The following KIAA0232 variants were observed in gnomAD, a reference collection of about 807,000 sequenced individuals.
KIAA0232 encodes the protein uncharacterized protein KIAA0232.
A neutral mutation model predicts 122.0 loss-of-function variants in KIAA0232; 27 were observed. That is an observed-to-expected ratio of 0.22 (90% CI 0.16 to 0.31). The LOEUF (loss-of-function observed/expected upper bound fraction) is 0.31, where lower values mean the gene tolerates loss of function less well. Ranked by LOEUF, KIAA0232 falls within the 10% of genes least tolerant of loss-of-function variation. The pLI is 1.00. For missense variants in KIAA0232, 1,551 were observed against 1,634.2 expected (o/e 0.95, Z 0.88); for synonymous variants, 613 against 587.6 (o/e 1.04, Z -0.63).
intron 4 of KIAA0232, among the ~76,000 whole-genome samples, chr4:6,848,728 A>G (rs1338681723): frequency 6.6e-6 from 1 of 152,238 alleles, no homozygotes; most frequent in Non-Finnish European, 1.5e-5. Flanking sequence ...GGGTAATACT[A>G]AGAGCATCAA....
intron 1 of KIAA0232, among the ~76,000 whole-genome samples, chr4:6,803,653 C>T (rs1021664149): frequency 3.3e-5 from 5 of 152,132 alleles, no homozygotes; most frequent in African/African-American, 1.2e-4. Flanking sequence ...TGTTAAAGAA[C>T]TTGACCAGAA....
At chr4:6,853,554 A>G (rs540225241) in intron 4 of KIAA0232, among the ~76,000 whole-genome samples, 1 of 152,328 alleles carries the variant, frequency 6.6e-6, no homozygotes, top group African/African-American at 2.4e-5. Flanking sequence ...CAAATGGAAC[A>G]GGCAGTTAAC....
chr4:6,863,916 G>C lies in KIAA0232; in HGVS notation c.3534G>C (p.Arg1178Ser), dbSNP rs555627147. The C allele has an allele frequency of 6.2e-7, 1 of 1,613,930 alleles. No individual in the cohort carries two copies. The highest frequency in any genetic ancestry group is 1.7e-5 in the Admixed American group (1 of 59,982). ...SELESGKFLP[R>S]LKKSGMEKSA... The stretch of plus-strand genomic sequence containing the variant: ...TTGAGTCTGGAAAATTCCTTCCCAG[G>C]TTAAAAAAATCTGGGATGGAAAAGA... Residue 1178 changes from arginine (R) to serine (S), a missense_variant, in exon 7 of 10, where the codon AGG (arginine) becomes AGC (serine). Around this residue, in one of 5 missense-constraint regions of KIAA0232, gnomAD observed 1,108 missense variants for 1,154.8 expected, o/e 0.96. Coordinates refer to ENST00000307659, the MANE Select transcript of KIAA0232 (RefSeq NM_014743.3).
chr4:6,813,741 A>G (rs1005392902), intron 2 of KIAA0232, among the ~76,000 whole-genome samples: 13 of 152,144 alleles, frequency 8.5e-5, no homozygotes, highest in African/African-American at 3.1e-4. Flanking sequence ...TGTAGACTAG[A>G]TAAATAATTA....
chr4:6,844,906 C>CA (rs1434278461), intron 4 of KIAA0232, among the ~76,000 whole-genome samples: 1 of 152,210 alleles, frequency 6.6e-6, no homozygotes, highest in African/African-American at 2.4e-5. Context: ...AGGGATATCT[C>CA]ACTGAAGCCA....
chr4:6,793,300 A>G (rs1716988086), intron 1 of KIAA0232, among the ~76,000 whole-genome samples: 1 of 152,232 alleles, frequency 6.6e-6, no homozygotes, highest in Non-Finnish European at 1.5e-5. Flanking sequence ...AAATCCACAC[A>G]GAGTCAGTAT....
At chr4:6,791,997 T>G (rs530988297) in intron 1 of KIAA0232, among the ~76,000 whole-genome samples, 83 of 152,302 alleles carry the variant, frequency 5.4e-4, no homozygotes, top group African/African-American at 2.0e-3. Flanking sequence ...CCCTGCATAA[T>G]CTCTCCTCTT....
intron 2 of KIAA0232, among the ~76,000 whole-genome samples, chr4:6,806,126 C>T (rs947832937): frequency 6.6e-5 from 10 of 152,080 alleles, no homozygotes; most frequent in Non-Finnish European, 1.5e-4. Context: ...TTTACCCCTG[C>T]TAGGTAAAAA....
chr4:6,784,075 A>G (rs1329624181), intron 1 of KIAA0232, among the ~76,000 whole-genome samples: 5 of 151,982 alleles, frequency 3.3e-5, no homozygotes, highest in South Asian at 4.2e-4. Context: ...TTTGTCCTCT[A>G]TAGGCAAGCT....
chr4:6,817,703 T>C (rs1387047446), intron 2 of KIAA0232, among the ~76,000 whole-genome samples: 1 of 152,184 alleles, frequency 6.6e-6, no homozygotes, highest in Non-Finnish European at 1.5e-5. Context: ...GTTAATAATG[T>C]TGTTCTCTCT....
At chr4:6,790,632 G>A (rs563502976) in intron 1 of KIAA0232, among the ~76,000 whole-genome samples, 6 of 151,954 alleles carry the variant, frequency 3.9e-5, no homozygotes, top group African/African-American at 7.2e-5. Context: ...CGATCCTCCC[G>A]CCTTGGCCTC....
chr4:6,861,776 T>C lies in KIAA0232; in HGVS notation c.1394T>C (p.Phe465Ser). ...LHKTYLAAGT[F>S]IDGHFVEMPA... is the part of the protein sequence containing the mutation. Reference sequence around the variant, plus strand: ...AAAACATACCTCGCAGCAGGTACTTTCATTGATGGTCATTTTGTAGAAATG... The same window carrying C: ...AAAACATACCTCGCAGCAGGTACTTCCATTGATGGTCATTTTGTAGAAATG... Residue 465 changes from phenylalanine to serine, a missense_variant, in exon 7 of 10, where the codon TTC (phenylalanine) becomes TCC (serine). Phe to Ser is a radical substitution (Grantham distance 155). Transcript: ENST00000307659. The C allele has an allele frequency of 1.2e-6, 2 of 1,614,196 alleles. No homozygotes were observed. The highest frequency in any genetic ancestry group is 1.7e-6 in the Non-Finnish European group (2 of 1,180,034).
At chr4:6,789,404 G>T (rs1422885676) in intron 1 of KIAA0232, among the ~76,000 whole-genome samples, 1 of 151,800 alleles carries the variant, frequency 6.6e-6, no homozygotes, top group Non-Finnish European at 1.5e-5. Context: ...CTCCCCAGTA[G>T]CTGGGATTAC....
intron 3 of KIAA0232, among the ~76,000 whole-genome samples, chr4:6,841,504 T>G (rs529228571): frequency 1.1e-4 from 16 of 152,216 alleles, no homozygotes; most frequent in Non-Finnish European, 2.2e-4. Context: ...TACCAGCATT[T>G]GGCAATTTCT....
chr4:6,825,383 A>G (rs1718624284), intron 3 of KIAA0232, among the ~76,000 whole-genome samples: 1 of 152,036 alleles, frequency 6.6e-6, no homozygotes, highest in African/African-American at 2.4e-5. Context: ...CCCAGTCTTT[A>G]CAAAAAGTAT....
At chr4:6,805,195 A>G (rs1717562122) in intron 2 of KIAA0232, among the ~76,000 whole-genome samples, 1 of 152,208 alleles carries the variant, frequency 6.6e-6, no homozygotes, top group Non-Finnish European at 1.5e-5. Context: ...GAATTACTAT[A>G]GTTATCTTCA....
Position 6,843,357 on chromosome 4 carries a change from G to A in KIAA0232, c.369+1153G>A, listed in dbSNP as rs186762825. The stretch of plus-strand genomic sequence containing the variant: ...TGTTGAATGGTCTAGTGTTGCGATC[G>A]TTGGCTTTGTTATCTTTGACAATCT... On this transcript the variant is annotated intron_variant, in intron 4 of 9. Coordinates refer to ENST00000307659, the MANE Select transcript of KIAA0232 (RefSeq NM_014743.3). 1.4e-4 allele frequency among the ~76,000 whole-genome samples: 21 copies of A among 152,278 alleles called. No individual in the cohort carries two copies. In the East Asian group the frequency reaches 3.7e-3, roughly 27 times the overall value.
chr4:6,782,758 G>C lies in KIAA0232; in HGVS notation c.-437G>C, dbSNP rs1311002432. 6.7e-6 allele frequency: 1 copy of C among 148,778 alleles called. No homozygotes were observed. The highest frequency in any genetic ancestry group is 2.5e-5 in the African/African-American group (1 of 40,352). The allele number at this position is 148,778 out of a possible 1,614,324, so 9.2% of individuals were successfully genotyped here. ...CGTAAGGCGCAGGCCAGGGCCGCCC[G>C]GCGCTCGGCAGCCGCCCGCAGCCCC... On this transcript the variant is annotated 5_prime_UTR_variant, in exon 1 of 10. Coordinates refer to ENST00000307659, the MANE Select transcript of KIAA0232 (RefSeq NM_014743.3).
intron 3 of KIAA0232, among the ~76,000 whole-genome samples, chr4:6,825,316 C>T (rs942399739): frequency 6.6e-6 from 1 of 151,992 alleles, no homozygotes; most frequent in Non-Finnish European, 1.5e-5. Flanking sequence ...TTTGGGAGGC[C>T]GAGGCGGGAG....
Sources: gnomAD v4.1 joint callset for allele counts (sites outside exome capture counted in the v4.1 genomes callset) on GRCh38, gnomAD v4.1.1 for gene constraint, gnomAD v4.1.1 regional missense constraint, MANE v1.5 for transcripts, NCBI Gene and HGNC (gene_info 2026-07-23, HGNC 2026-07-21) for gene names.